Variants in TBC1D23 observed in about 807,000 individuals in gnomAD.
TBC1D23 encodes the protein TBC1 domain family member 23.
Under a neutral mutation model 91.4 loss-of-function variants are expected in TBC1D23, and 55 were observed. The observed-to-expected ratio is 0.60, with a 90% CI of 0.48 to 0.75. The LOEUF (loss-of-function observed/expected upper bound fraction) is 0.75, where lower values mean the gene tolerates loss of function less well. TBC1D23 is among the 30% of genes least tolerant of loss of function. TBC1D23 has a pLI of 0.00. For missense variants in TBC1D23, 725 were observed against 836.1 expected, an observed-to-expected ratio of 0.87 and a Z score of 1.64; for synonymous variants, 289 against 281.0, an observed-to-expected ratio of 1.03 and a Z score of -0.28.
At chr3:100,301,263 A>G (rs1329333525) in intron 10 of TBC1D23, among the ~76,000 whole-genome samples, 1 of 105,614 alleles carries the variant, frequency 9.5e-6, no homozygotes, top group East Asian at 3.4e-4. Flanking sequence ...ACAGAGGGAG[A>G]TTCCGTCTCA....
chr3:100,310,081 C>T (rs1329096061), intron 13 of TBC1D23, among the ~76,000 whole-genome samples: 1 of 152,210 alleles, frequency 6.6e-6, no homozygotes, highest in Non-Finnish European at 1.5e-5. Flanking sequence ...CCTGAGGCCT[C>T]TCTCCTTGGC....
At chr3:100,281,721 C>G (rs746173548) in intron 2 of TBC1D23, 21 bp from the exon 3 acceptor site, 20 of 1,518,678 alleles carry the variant, frequency 1.3e-5, no homozygotes, top group Non-Finnish European at 1.8e-5. Flanking sequence ...AAGCTAGTCA[C>G]TTTTTAAATC....
intron 1 of TBC1D23, among the ~76,000 whole-genome samples, chr3:100,261,780 T>C (rs762268142): frequency 3.3e-5 from 5 of 152,228 alleles, no homozygotes; most frequent in Non-Finnish European, 7.3e-5. Flanking sequence ...GGTAAACTGC[T>C]CACCCAGTGT....
rs760405445 is a variant in TBC1D23 at position 100,296,163 on chromosome 3, A to G, written c.773-9A>G. On this transcript the variant is annotated splice_polypyrimidine_tract_variant and intron_variant, in intron 7 of 18. Transcript: ENST00000394144. ...CAAACTACTAAATATTATGTCTATA[A>G]TATTTCAGAGTTCTTGGAAAATACT... 1 of 1,464,778 alleles carries G rather than the reference A, an allele frequency of 6.8e-7. No homozygotes were observed. The highest frequency in any genetic ancestry group is 9.4e-7 in the Non-Finnish European group (1 of 1,067,020). The allele number at this position is 1,464,778 out of a possible 1,614,324, so 90.7% of individuals were successfully genotyped here. A position where few individuals can be genotyped will look rare whatever the true frequency, so the allele number is the denominator to read the frequency against.
At chr3:100,304,434 A>G (rs1705483558) in intron 11 of TBC1D23, among the ~76,000 whole-genome samples, 1 of 152,072 alleles carries the variant, frequency 6.6e-6, no homozygotes, top group Non-Finnish European at 1.5e-5. Flanking sequence ...AAATGGTAAC[A>G]TTCCCTTATT....
chr3:100,276,040 A>G (rs2148852293), intron 1 of TBC1D23, among the ~76,000 whole-genome samples: 1 of 151,634 alleles, frequency 6.6e-6, no homozygotes, highest in African/African-American at 2.4e-5. Flanking sequence ...ATGGCGAGTG[A>G]CTGCTAATGG....
At chr3:100,314,782 ATACTAC>A (rs943018024) in intron 15 of TBC1D23, among the ~76,000 whole-genome samples, 1 of 152,098 alleles carries the variant, frequency 6.6e-6, no homozygotes, top group African/African-American at 2.4e-5. Flanking sequence ...TGGCTCTAAA[ATACTAC>A]TACTACTACT....
chr3:100,322,672 ACT>A (rs1256072815), intron 18 of TBC1D23, among the ~76,000 whole-genome samples: 2 of 152,102 alleles, frequency 1.3e-5, no homozygotes, highest in Non-Finnish European at 2.9e-5. Context: ...TTGAATTATG[ACT>A]CTCTCATGTA....
At chr3:100,317,986 A>G (rs894715445) in intron 16 of TBC1D23, among the ~76,000 whole-genome samples, 1 of 152,092 alleles carries the variant, frequency 6.6e-6, no homozygotes, top group Non-Finnish European at 1.5e-5. Flanking sequence ...ATTTAAGTAT[A>G]GAATACTACT....
At chr3:100,265,022 T>C (rs1019924143) in intron 1 of TBC1D23, among the ~76,000 whole-genome samples, 1 of 152,188 alleles carries the variant, frequency 6.6e-6, no homozygotes, top group Admixed American at 6.5e-5. Context: ...TTCTAGGTTA[T>C]ATATATATCA....
At chr3:100,275,231 G>C (rs1270724947) in intron 1 of TBC1D23, among the ~76,000 whole-genome samples, 3 of 151,850 alleles carry the variant, frequency 2.0e-5, no homozygotes, top group African/African-American at 7.3e-5. Context: ...TCTTTGGTTT[G>C]GTTTTATTAT....
intron 5 of TBC1D23, among the ~76,000 whole-genome samples, chr3:100,294,416 A>G (rs1330268598): frequency 6.6e-6 from 1 of 151,912 alleles, no homozygotes; most frequent in East Asian, 1.9e-4. Flanking sequence ...ACGTGCCATC[A>G]TGCCTGGCTA....
rs377165719 is a variant in TBC1D23, at chr3:100,323,647, T to G, written c.2079T>G (p.Val693=). Residue 693 remains valine, a synonymous_variant, in exon 19 of 19, where the codon GTT becomes GTG. Coordinates refer to ENST00000394144, the MANE Select transcript of TBC1D23 (RefSeq NM_001199198.3). ...CCATAAAACAGCAGATCATGAAAGTTTTGGATGCTTTGGAAAGTTAATATA... is the reference window on the plus strand; with the variant it reads ...CCATAAAACAGCAGATCATGAAAGTGTTGGATGCTTTGGAAAGTTAATATA... ...TKAIKQQIMK[V]LDALES is the part of the protein sequence containing the mutation. 1 of 1,527,310 alleles carries G rather than the reference T, an allele frequency of 6.5e-7. No individual in the cohort carries two copies. Among genetic ancestry groups the G allele is most frequent in the Non-Finnish European group, 8.8e-7 (1 of 1,137,492 alleles). 94.6% of individuals were successfully genotyped at this position (1,527,310 alleles called of 1,614,324 possible).
chr3:100,297,109 A>G (rs1392439917), intron 8 of TBC1D23, among the ~76,000 whole-genome samples: 1 of 152,224 alleles, frequency 6.6e-6, no homozygotes, highest in Admixed American at 6.5e-5. Context: ...AAAAGCTAAT[A>G]GTGGAAGAGG....
intron 15 of TBC1D23, among the ~76,000 whole-genome samples, chr3:100,314,174 C>G (rs1322177922): frequency 2.1e-5 from 3 of 144,236 alleles, no homozygotes; most frequent in Non-Finnish European, 4.5e-5. Flanking sequence ...TCTCGGCTCA[C>G]TGCAACCTGT....
intron 4 of TBC1D23, among the ~76,000 whole-genome samples, chr3:100,286,003 G>A (rs2067739003): frequency 6.6e-6 from 1 of 151,862 alleles, no homozygotes. Context: ...TAAGTGGACT[G>A]CAAAGAGCAT....
chr3:100,296,505 T>A (rs1313667601), intron 8 of TBC1D23, among the ~76,000 whole-genome samples: 2 of 152,172 alleles, frequency 1.3e-5, no homozygotes, highest in African/African-American at 4.8e-5. Context: ...TTATTGTTAT[T>A]TCTGATCATA....
At chr3:100,283,262 T>C (rs534180331) in intron 3 of TBC1D23, among the ~76,000 whole-genome samples, 1 of 152,150 alleles carries the variant, frequency 6.6e-6, no homozygotes, top group East Asian at 1.9e-4. Context: ...TAATCCTGGC[T>C]ACTCGGGAGG....
At chr3:100,306,298 G>T in intron 12 of TBC1D23, 139 bp from the exon 13 acceptor site, 1 of 583,004 alleles carries the variant, frequency 1.7e-6, no homozygotes, top group African/African-American at 1.9e-5. Flanking sequence ...TTACAGACGT[G>T]CAGAAAGAAA....
Sources: gnomAD v4.1 joint callset for allele counts (sites outside exome capture counted in the v4.1 genomes callset) on GRCh38, gnomAD v4.1.1 for gene constraint, MANE v1.5 for transcripts, NCBI Gene and HGNC (gene_info 2026-07-23, HGNC 2026-07-21) for gene names.